The following EEIG1 variants were observed in gnomAD, a reference collection of about 807,000 sequenced individuals.
The protein encoded by EEIG1 is estrogen-induced osteoclastogenesis regulator 1, also known as early estrogen-induced gene 1 protein.
the EEIG1 span, chr9:127,950,806 G>A: frequency 1.2e-6 from 1 of 807,018 alleles, no homozygotes; most frequent in African/African-American, 1.8e-5. Context: ...ACCGGGGCCA[G>A]TGCGCCTGAC....
the EEIG1 span, among the ~76,000 whole-genome samples, chr9:127,950,960 C>T: frequency 1.3e-5 from 2 of 152,160 alleles, no homozygotes; most frequent in African/African-American, 4.8e-5. Flanking sequence ...GGGACACCCC[C>T]ACAGGGGTTG....
At chr9:127,947,925 G>A in the EEIG1 span, 1 of 910,410 alleles carries the variant, frequency 1.1e-6, no homozygotes, top group South Asian at 1.6e-5. Context: ...AGGTGATCAG[G>A]TCTCATCAGC....
At chr9:127,955,106 C>T in the EEIG1 span, among the ~76,000 whole-genome samples, 2 of 152,184 alleles carry the variant, frequency 1.3e-5, no homozygotes. Flanking sequence ...GTGTGAGAGA[C>T]GTTATCTCCA....
chr9:127,950,379 C>A, the EEIG1 span: 123 of 1,597,206 alleles, frequency 7.7e-5, 1 homozygote, highest in East Asian at 2.7e-3. Context: ...TGGTTTGTCC[C>A]CATCCCGTGG....
the EEIG1 span, among the ~76,000 whole-genome samples, chr9:127,959,253 C>A: frequency 2.0e-5 from 3 of 152,324 alleles, no homozygotes; most frequent in Non-Finnish European, 4.4e-5. Flanking sequence ...ACCCAAATGT[C>A]CATCAACTGG....
the EEIG1 span, among the ~76,000 whole-genome samples, chr9:127,950,142 G>A: frequency 6.6e-6 from 1 of 152,222 alleles, no homozygotes; most frequent in Non-Finnish European, 1.5e-5. Context: ...AGAAGAGAGG[G>A]CATGCAATCA....
At chr9:127,980,167 AGGCG>A in the EEIG1 span, 5 of 1,600,716 alleles carry the variant, frequency 3.1e-6, no homozygotes, top group Admixed American at 3.4e-5. Flanking sequence ...GAAGCCCCGA[AGGCG>A]AAAAAAGGTG....
At chr9:127,963,836 G>A in the EEIG1 span, 1 of 152,458 alleles carries the variant, frequency 6.6e-6, no homozygotes. Flanking sequence ...CCCTGGTTGA[G>A]AGGGGGAGAC....
chr9:127,945,426 C>A, the EEIG1 span: 27 of 1,569,180 alleles, frequency 1.7e-5, no homozygotes, highest in East Asian at 6.1e-4. The surrounding 1 kb of genome is among the most constrained non-coding windows in gnomAD (Gnocchi z 6.5). Context: ...TCTCCGGGGG[C>A]CGGTGCTCCC....
the EEIG1 span, among the ~76,000 whole-genome samples, chr9:127,959,567 G>A: frequency 4.6e-3 from 696 of 152,332 alleles, 3 homozygotes; most frequent in African/African-American, 0.015. Context: ...AGGGCCTGGG[G>A]GGAGGTGATT....
chr9:127,948,112 C>G, the EEIG1 span: 1 of 1,613,150 alleles, frequency 6.2e-7, no homozygotes, highest in African/African-American at 1.3e-5. Context: ...GGGCCGGGAC[C>G]CAGTCAGGGA....
the EEIG1 span, among the ~76,000 whole-genome samples, chr9:127,954,877 T>TA: frequency 2.2e-4 from 34 of 152,284 alleles, no homozygotes; most frequent in African/African-American, 7.5e-4. Context: ...AGCACCCCTC[T>TA]ACTGGAGAGA....
chr9:127,953,900 G>A, the EEIG1 span: 8 of 1,613,758 alleles, frequency 5.0e-6, no homozygotes, highest in Non-Finnish European at 6.8e-6. Context: ...TTTCGCCACC[G>A]CACACAGTTC....
At chr9:127,971,822 T>C in the EEIG1 span, among the ~76,000 whole-genome samples, 2 of 152,126 alleles carry the variant, frequency 1.3e-5, no homozygotes, top group Non-Finnish European at 2.9e-5. Flanking sequence ...GGAGGCTTCC[T>C]GGAGGAGGTG....
chr9:127,960,244 TGCAGAG>T, the EEIG1 span, among the ~76,000 whole-genome samples: 1 of 151,942 alleles, frequency 6.6e-6, no homozygotes. Context: ...GAGCAGCAAG[TGCAGAG>T]GCCCTGAGGC....
chr9:127,974,116 C>T, the EEIG1 span, among the ~76,000 whole-genome samples: 1 of 152,174 alleles, frequency 6.6e-6, no homozygotes, highest in African/African-American at 2.4e-5. Context: ...AGGCATGATG[C>T]CAGCCCTGCG....
chr9:127,954,953 T>C, the EEIG1 span, among the ~76,000 whole-genome samples: 2 of 152,184 alleles, frequency 1.3e-5, no homozygotes, highest in Non-Finnish European at 2.9e-5. Flanking sequence ...TCCCAACTGC[T>C]GCGGGGGCCT....
the EEIG1 span, chr9:127,953,847 G>A: frequency 5.0e-6 from 8 of 1,613,836 alleles, no homozygotes; most frequent in Non-Finnish European, 5.9e-6. Context: ...CCAGCAGGCC[G>A]GTGGCCGGGT....
At chr9:127,946,434 C>CACACCCCAGGCTGGCCTGTG in the EEIG1 span, among the ~76,000 whole-genome samples, 2 of 152,214 alleles carry the variant, frequency 1.3e-5, no homozygotes, top group Non-Finnish European at 2.9e-5. Flanking sequence ...TCCCGCCCAA[C>CACACCCCAGGCTGGCCTGTG]ACACCCCAGG....
Sources: allele counts gnomAD v4.1 joint callset (sites outside exome capture counted in the v4.1 genomes callset), GRCh38; gene constraint gnomAD v4.1.1; non-coding constraint Gnocchi (gnomAD v3.1); transcripts MANE v1.5; gene names NCBI Gene and HGNC (gene_info 2026-07-23, HGNC 2026-07-21).